The following NEK11 variants were observed in gnomAD, a reference collection of about 807,000 sequenced individuals.
The protein encoded by NEK11 is NIMA related kinase 11, also known as serine/threonine-protein kinase Nek11.
Under a neutral mutation model 80.7 loss-of-function variants are expected in NEK11, and 72 were observed. That is an observed-to-expected ratio of 0.89 (90% CI 0.74 to 1.08). The LOEUF is 1.08. Among genes scored for constraint, NEK11 ranks in the 50% least tolerant of loss-of-function variants. NEK11 has a pLI of 0.00. For missense variants in NEK11, 764 were observed against 763.6 expected, an observed-to-expected ratio of 1.00 and a Z score of -0.01; for synonymous variants, 251 against 260.7, an observed-to-expected ratio of 0.96 and a Z score of 0.36.
intron 16 of NEK11, among the ~76,000 whole-genome samples, chr3:131,248,877 T>C (rs902770628): frequency 7.2e-5 from 11 of 152,168 alleles, no homozygotes; most frequent in Admixed American, 1.3e-4. Context: ...ACCAAAATTA[T>C]CTTCACTCTT....
At chr3:131,100,104 T>C (rs1267860149) in intron 4 of NEK11, among the ~76,000 whole-genome samples, 3 of 152,242 alleles carry the variant, frequency 2.0e-5, no homozygotes, top group African/African-American at 2.4e-5. Context: ...TCTTCATAGA[T>C]GGCTCTTATT....
At chr3:131,208,871 C>T (rs533893125) in intron 14 of NEK11, among the ~76,000 whole-genome samples, 13 of 152,266 alleles carry the variant, frequency 8.5e-5, no homozygotes, top group Admixed American at 3.9e-4. Flanking sequence ...TGGGCTGAGA[C>T]GATGGGGTTT....
At chr3:131,278,855 C>G (rs1362498419) in intron 17 of NEK11, among the ~76,000 whole-genome samples, 1 of 152,092 alleles carries the variant, frequency 6.6e-6, no homozygotes, top group Non-Finnish European at 1.5e-5. Context: ...TGACCTGCAC[C>G]AGGGACATCA....
At chr3:131,188,802 T>C (rs535934341) in intron 14 of NEK11, among the ~76,000 whole-genome samples, 1 of 152,262 alleles carries the variant, frequency 6.6e-6, no homozygotes, top group Admixed American at 6.5e-5. Flanking sequence ...ACAGTGAAGT[T>C]TTCCTCTACC....
chr3:131,272,659 A>G (rs756543840), intron 16 of NEK11, among the ~76,000 whole-genome samples: 130 of 151,398 alleles, frequency 8.6e-4, no homozygotes, highest in Non-Finnish European at 1.4e-3. Context: ...TATTTTTAGT[A>G]GAGACGAGGT....
At chr3:131,076,437 G>A (rs1278128095) in intron 3 of NEK11, among the ~76,000 whole-genome samples, 1 of 151,382 alleles carries the variant, frequency 6.6e-6, no homozygotes, top group Non-Finnish European at 1.5e-5. Context: ...CTATTTCCTT[G>A]TAAATTAGAA....
chr3:131,081,066 T>C (rs1279996865), intron 4 of NEK11, among the ~76,000 whole-genome samples: 2 of 152,160 alleles, frequency 1.3e-5, no homozygotes, highest in African/African-American at 4.8e-5. Context: ...ACTGGGACCA[T>C]GCCATCGCTC....
At chr3:131,251,574 G>T (rs559827076) in intron 16 of NEK11, among the ~76,000 whole-genome samples, 1 of 152,028 alleles carries the variant, frequency 6.6e-6, no homozygotes, top group Non-Finnish European at 1.5e-5. Flanking sequence ...TGATTGCAAG[G>T]TTCTGAATAC....
At chr3:131,234,599 A>T (rs1172354998) in intron 15 of NEK11, among the ~76,000 whole-genome samples, 1 of 151,970 alleles carries the variant, frequency 6.6e-6, no homozygotes, top group Non-Finnish European at 1.5e-5. Flanking sequence ...TGCTCAAAGG[A>T]GAGACTTTGA....
intron 7 of NEK11, 114 bp from the exon 8 acceptor site, chr3:131,152,274 A>G: frequency 2.5e-6 from 2 of 804,898 alleles, no homozygotes; most frequent in Non-Finnish European, 3.9e-6. Flanking sequence ...TCAACTACTG[A>G]TTGTATGTTT....
At chr3:131,300,514 T>C (rs2109166462) in intron 17 of NEK11, among the ~76,000 whole-genome samples, 1 of 152,330 alleles carries the variant, frequency 6.6e-6, no homozygotes, top group Middle Eastern at 3.4e-3. Context: ...TTGTTTTAGG[T>C]TTTACATTTA....
chr3:131,156,361 G>A (rs2090638861), intron 10 of NEK11, among the ~76,000 whole-genome samples: 1 of 152,172 alleles, frequency 6.6e-6, no homozygotes, highest in African/African-American at 2.4e-5. Context: ...GTTTGTCAAG[G>A]AAAGAGTTGG....
At chr3:131,117,534 G>C (rs565798834) in intron 5 of NEK11, among the ~76,000 whole-genome samples, 1 of 152,214 alleles carries the variant, frequency 6.6e-6, no homozygotes, top group East Asian at 1.9e-4. Flanking sequence ...AGCTTGATGG[G>C]GATGGCATTG....
chr3:131,030,406 G>C (rs966685511), intron 3 of NEK11, among the ~76,000 whole-genome samples: 1 of 152,166 alleles, frequency 6.6e-6, no homozygotes, highest in Non-Finnish European at 1.5e-5. Context: ...AAATGGGATA[G>C]ATTATGTGAA....
intron 17 of NEK11, among the ~76,000 whole-genome samples, chr3:131,331,187 T>C (rs187166683): frequency 6.6e-6 from 1 of 152,366 alleles, no homozygotes; most frequent in African/African-American, 2.4e-5. Flanking sequence ...TACTTTGCAC[T>C]TGCACTTTGT....
chr3:131,248,282 TAGA>T (rs1334070601), intron 16 of NEK11, among the ~76,000 whole-genome samples: 1 of 152,106 alleles, frequency 6.6e-6, no homozygotes, highest in Non-Finnish European at 1.5e-5. Flanking sequence ...GCCTCATTTA[TAGA>T]AGGTTTTATC....
At chr3:131,256,119 GA>G (rs1301984584) in intron 16 of NEK11, among the ~76,000 whole-genome samples, 2 of 152,124 alleles carry the variant, frequency 1.3e-5, no homozygotes, top group African/African-American at 4.8e-5. Context: ...TAGATAGGAG[GA>G]GTAAATTTCG....
At chr3:131,245,586 C>A (rs1417779390) in intron 16 of NEK11, among the ~76,000 whole-genome samples, 1 of 152,058 alleles carries the variant, frequency 6.6e-6, no homozygotes, top group Non-Finnish European at 1.5e-5. Flanking sequence ...TCCTTTTTCT[C>A]TGTATCCTCA....
intron 17 of NEK11, among the ~76,000 whole-genome samples, chr3:131,335,087 GA>G: frequency 6.6e-6 from 1 of 152,102 alleles, no homozygotes; most frequent in Non-Finnish European, 1.5e-5. Flanking sequence ...CCAATCAATA[GA>G]AAAAGAGGGA....
Sources: gnomAD v4.1 joint callset for allele counts (sites outside exome capture counted in the v4.1 genomes callset) on GRCh38, gnomAD v4.1.1 for gene constraint, MANE v1.5 for transcripts, NCBI Gene and HGNC (gene_info 2026-07-23, HGNC 2026-07-21) for gene names.